ZDHHC11: variants seen among roughly 807,000 people sequenced by gnomAD.
ZDHHC11 encodes the protein zDHHC palmitoyltransferase 11.
A neutral mutation model predicts 51.3 loss-of-function variants in ZDHHC11; 44 were observed. That is an observed-to-expected ratio of 0.86 (90% CI 0.67 to 1.10). The LOEUF is 1.10. ZDHHC11 is among the 50% of genes least tolerant of loss of function. The pLI is 0.00. For missense variants in ZDHHC11, 400 were observed against 537.7 expected, an observed-to-expected ratio of 0.74 and a Z score of 2.53; for synonymous variants, 163 against 222.0, an observed-to-expected ratio of 0.73 and a Z score of 2.36.
At chr5:856,554 ACAC>A (rs200659136) in intron 1 of ZDHHC11, among the ~76,000 whole-genome samples, 5,652 of 151,252 alleles carry the variant, frequency 0.037, 324 homozygotes, top group African/African-American at 0.13. Context: ...AACTCCATGC[ACAC>A]CACACATGCA....
chr5:821,918 T>G (rs752877557), intron 8 of ZDHHC11, 23 bp from the exon 9 acceptor site: 9 of 1,594,522 alleles, frequency 5.6e-6, no homozygotes, highest in Middle Eastern at 1.6e-4. Flanking sequence ...GAAGCAAAAT[T>G]CATAGAATGA....
intron 3 of ZDHHC11, 90 bp from the exon 4 acceptor site, chr5:843,814 G>T (rs1301084087): frequency 3.1e-6 from 1 of 324,444 alleles, no homozygotes; most frequent in African/African-American, 3.6e-5. Flanking sequence ...GGGGCAGGGG[G>T]TGTGCACGGG....
Position 825,170 on chromosome 5 carries a change from C to A in ZDHHC11, c.1017G>T (p.Thr339=). The A allele has an allele frequency of 6.2e-7, 1 of 1,611,918 alleles. No homozygotes were observed. The highest frequency in any genetic ancestry group is 8.5e-7 in the Non-Finnish European group (1 of 1,178,388). ...CTSVNQDGDS[T]AREGDEDPCP... ...GCTGGTGACTGCAACTTACCCGTGCCGTCGAATCCCCATCCTGGTTTACTG... is the reference window on the plus strand; with the variant it reads ...GCTGGTGACTGCAACTTACCCGTGCAGTCGAATCCCCATCCTGGTTTACTG... The change falls in exon 8 of 13, where the codon ACG becomes ACT. Residue 339 remains threonine (T), a synonymous_variant. Coordinates refer to ENST00000283441, the MANE Select transcript of ZDHHC11 (RefSeq NM_024786.3).
intron 6 of ZDHHC11, among the ~76,000 whole-genome samples, chr5:836,480 T>C (rs1475288637): frequency 2.7e-5 from 4 of 150,316 alleles, no homozygotes; most frequent in Non-Finnish European, 5.9e-5. Flanking sequence ...TCTGGTTTGG[T>C]GTCAGGTTGA....
chr5:797,034 C>T (rs1194569347), intron 12 of ZDHHC11, among the ~76,000 whole-genome samples: 1 of 151,300 alleles, frequency 6.6e-6, no homozygotes, highest in African/African-American at 2.4e-5. Context: ...AGTGAACCCC[C>T]GTCTCTACTA....
At chr5:838,236 G>A (rs1469232171) in intron 5 of ZDHHC11, among the ~76,000 whole-genome samples, 4 of 151,960 alleles carry the variant, frequency 2.6e-5, no homozygotes, top group Admixed American at 6.6e-5. Flanking sequence ...AAGCAGCCCA[G>A]GGAAGCAAAG....
intron 7 of ZDHHC11, among the ~76,000 whole-genome samples, chr5:827,728 A>AT (rs1246765469): frequency 1.3e-5 from 2 of 148,350 alleles, no homozygotes; most frequent in South Asian, 2.1e-4. Context: ...TGCCAAATTT[A>AT]TTTTTTTTTA....
intron 7 of ZDHHC11, among the ~76,000 whole-genome samples, chr5:827,189 G>A (rs1295405788): frequency 6.7e-6 from 1 of 149,400 alleles, no homozygotes; most frequent in Middle Eastern, 3.2e-3. Context: ...GAGAGAACTA[G>A]CCACTAATAA....
chr5:847,044 A>T (rs1384991016), intron 3 of ZDHHC11, among the ~76,000 whole-genome samples: 67 of 140,416 alleles, frequency 4.8e-4, no homozygotes, highest in African/African-American at 1.8e-3. Context: ...GCTCAGGGGA[A>T]ACACCTCTCG....
At chr5:840,992 A>G (rs1744778280) in intron 4 of ZDHHC11, 1 of 1,238,092 alleles carries the variant, frequency 8.1e-7, no homozygotes. Context: ...ACCCCTTCCT[A>G]AGTGCCGGGG....
rs867081632 is a variant in ZDHHC11 at position 836,715 on chromosome 5, A to G, written c.900+650T>C. ...CTTTCTATGTCTTCTTGAGTTAGTT[A>G]TAATAATTCATGTCACTTAACCGGA... On this transcript the variant is annotated intron_variant, in intron 6 of 12. Coordinates refer to ENST00000283441, the MANE Select transcript of ZDHHC11 (RefSeq NM_024786.3). Among the ~76,000 whole-genome samples, 18 of 149,506 alleles carry G rather than the reference A, an allele frequency of 1.2e-4. 1 individual carries two copies. Among genetic ancestry groups the G allele is most frequent in the Middle Eastern group, 6.3e-3 (2 of 316 alleles).
intron 11 of ZDHHC11, among the ~76,000 whole-genome samples, chr5:808,520 CG>C (rs1739610660): frequency 6.7e-6 from 1 of 148,910 alleles, no homozygotes; most frequent in Non-Finnish European, 1.5e-5. Flanking sequence ...AACACACTTA[CG>C]TGTTCCATCT....
chr5:797,512 T>C (rs1318096921), intron 12 of ZDHHC11, among the ~76,000 whole-genome samples: 1 of 151,530 alleles, frequency 6.6e-6, no homozygotes, highest in Non-Finnish European at 1.5e-5. Flanking sequence ...TTCAGTAATT[T>C]CTTCAGCTCT....
At chr5:819,744 C>A in intron 9 of ZDHHC11, 132 bp from the exon 10 acceptor site, 2 of 904,314 alleles carry the variant, frequency 2.2e-6, no homozygotes, top group Non-Finnish European at 3.5e-6. Context: ...TGGAGACCAG[C>A]AGCTCCCGGG....
Position 828,396 on chromosome 5 carries a change from T to C in ZDHHC11, c.936-3145A>G, listed in dbSNP as rs377691278. Among the ~76,000 whole-genome samples the C allele has an allele frequency of 2.4e-3, 354 of 147,800 alleles. 5 individuals are homozygous for C. The highest frequency in any genetic ancestry group is 0.023 in the East Asian group (116 of 5,044). ...CCACCTCCCTCCTGGACGGGGCGGCTGGCCGGGTGGAGGTGCCCCCCACCT... is the reference window on the plus strand; with the variant it reads ...CCACCTCCCTCCTGGACGGGGCGGCCGGCCGGGTGGAGGTGCCCCCCACCT... On this transcript the variant is annotated intron_variant, in intron 7 of 12. Transcript: ENST00000283441.
rs553032706 is a variant in ZDHHC11, at chr5:816,649, T to C, written c.1147-1854A>G. On this transcript the variant is annotated intron_variant, in intron 10 of 12. Transcript: ENST00000283441. ...CCATAGTGGCTGTGATTTGGGATTA[T>C]ATGCATCCCTTTCCAGAGTCCAAGC... 1.7e-4 allele frequency: 106 copies of C among 626,162 alleles called. 2 individuals are homozygous for C. The highest frequency in any genetic ancestry group is 1.4e-3 in the South Asian group (99 of 72,228). 38.8% of individuals were successfully genotyped at this position (626,162 alleles called of 1,614,324 possible). A position where few individuals can be genotyped will look rare whatever the true frequency, so the allele number is the denominator to read the frequency against.
intron 11 of ZDHHC11, among the ~76,000 whole-genome samples, chr5:809,091 A>G (rs2150306098): frequency 6.8e-6 from 1 of 147,944 alleles, no homozygotes; most frequent in African/African-American, 2.5e-5. Flanking sequence ...CATAAACAGG[A>G]CTGGAAAAGG....
intron 4 of ZDHHC11, 85 bp downstream of exon 4, chr5:843,515 G>T (rs1745423572): frequency 1.3e-6 from 2 of 1,586,560 alleles, no homozygotes; most frequent in Admixed American, 1.7e-5. Context: ...GGACAAGAGG[G>T]GCCGACCACC....
In ZDHHC11 at chr5:825,101, C is replaced by G. The variant is rs369780280; in HGVS notation, c.1023+63G>C. 301 of 1,528,840 alleles carry G rather than the reference C, an allele frequency of 2.0e-4. 6 individuals carry two copies. The highest frequency in any genetic ancestry group is 3.4e-4 in the Middle Eastern group (2 of 5,958). The allele number at this position is 1,528,840 out of a possible 1,614,324, so 94.7% of individuals were successfully genotyped here. ...TGCCTTAACCTCAGCTTGGGGGACC[C>G]GAGACCACATATTCTGCACACGGCC... On this transcript the variant is annotated intron_variant, in intron 8 of 12. Transcript: ENST00000283441.
Sources: allele counts gnomAD v4.1 joint callset (sites outside exome capture counted in the v4.1 genomes callset), GRCh38; gene constraint gnomAD v4.1.1; transcripts MANE v1.5; gene names NCBI Gene and HGNC (gene_info 2026-07-23, HGNC 2026-07-21).